Variants in LRRIQ1 observed in about 807,000 individuals in gnomAD.
The protein encoded by LRRIQ1 is leucine-rich repeat- and IQ domain-containing protein 1.
LRRIQ1 carries 210 observed loss-of-function variants against 211.9 expected under a neutral mutation model. The ratio of observed to expected loss-of-function variants is 0.99; its 90% CI spans 0.89 to 1.11. The LOEUF (loss-of-function observed/expected upper bound fraction) is 1.11, where lower values mean the gene tolerates loss of function less well. Ranked by LOEUF, LRRIQ1 falls within the 50% of genes most tolerant of loss-of-function variation. The pLI, the probability that LRRIQ1 is intolerant of heterozygous loss-of-function variation, is 0.00. For synonymous variants in LRRIQ1, 699 were observed against 650.1 expected (o/e 1.08, Z -1.14); for missense variants, 2,136 against 1,939.5 (o/e 1.10, Z -1.90).
intron 24 of LRRIQ1, among the ~76,000 whole-genome samples, chr12:85,211,134 A>G (rs932817305): frequency 6.6e-6 from 1 of 152,188 alleles, no homozygotes; most frequent in African/African-American, 2.4e-5. Flanking sequence ...GCATTCATAA[A>G]ACTATGCCAT....
At chr12:85,143,470 A>G (rs1889678922) in intron 19 of LRRIQ1, among the ~76,000 whole-genome samples, 2 of 151,602 alleles carry the variant, frequency 1.3e-5, no homozygotes, top group Admixed American at 1.3e-4. Context: ...ATGTAACTCC[A>G]TTTGTCTATT....
chr12:85,126,641 C>T (rs1227667453), intron 17 of LRRIQ1, among the ~76,000 whole-genome samples: 5 of 151,958 alleles, frequency 3.3e-5, no homozygotes, highest in African/African-American at 4.8e-5. Context: ...TATCTTAGAC[C>T]ATATATTTTA....
chr12:85,173,377 A>T (rs1430667241), intron 24 of LRRIQ1, among the ~76,000 whole-genome samples: 1 of 152,170 alleles, frequency 6.6e-6, no homozygotes, highest in African/African-American at 2.4e-5. Context: ...TATGTGTCCT[A>T]GTGAGCTCAT....
At chr12:85,219,525 C>T (rs574345743) in intron 24 of LRRIQ1, among the ~76,000 whole-genome samples, 3 of 152,126 alleles carry the variant, frequency 2.0e-5, no homozygotes, top group African/African-American at 7.2e-5. Flanking sequence ...TCCCATACCC[C>T]AAATGGACCA....
At chr12:85,105,786 C>G (rs1293364853) in intron 14 of LRRIQ1, among the ~76,000 whole-genome samples, 1 of 119,722 alleles carries the variant, frequency 8.4e-6, no homozygotes, top group East Asian at 2.5e-4. Context: ...TTTTAGTTTT[C>G]TTTCTTTCTA....
chr12:85,102,953 A>AT (rs1555207709), intron 13 of LRRIQ1, among the ~76,000 whole-genome samples: 13 of 118,786 alleles, frequency 1.1e-4, no homozygotes, highest in African/African-American at 4.2e-4. Flanking sequence ...GCAAAAAAAA[A>AT]AAAAAAATAT....
intron 13 of LRRIQ1, among the ~76,000 whole-genome samples, chr12:85,100,874 A>C (rs1311937956): frequency 6.6e-6 from 1 of 151,776 alleles, no homozygotes; most frequent in Non-Finnish European, 1.5e-5. Context: ...TGACTGTAGA[A>C]ATTATCTATT....
intron 24 of LRRIQ1, among the ~76,000 whole-genome samples, chr12:85,195,425 A>G (rs1465983698): frequency 6.6e-6 from 1 of 151,604 alleles, no homozygotes; most frequent in African/African-American, 2.4e-5. Flanking sequence ...AAAATCCTCA[A>G]TAAAATACTG....
rs114176528 is a variant in LRRIQ1 at position 85,113,270 on chromosome 12, G to A, written c.3377+6655G>A. The stretch of plus-strand genomic sequence containing the variant: ...AGTACATTTCCTTTATTTTTTTAAA[G>A]GACATATATTCATTTACGCAGAGAG... On this transcript the variant is annotated intron_variant, in intron 15 of 26. Coordinates refer to ENST00000393217, the MANE Select transcript of LRRIQ1 (RefSeq NM_001079910.2). Among the ~76,000 whole-genome samples, 153 of 152,196 alleles carry A rather than the reference G, an allele frequency of 1.0e-3. 1 individual carries two copies. The highest frequency in any genetic ancestry group is 3.6e-3 in the African/African-American group (150 of 41,554).
At chr12:85,196,555 T>C (rs1452121996) in intron 24 of LRRIQ1, among the ~76,000 whole-genome samples, 19 of 151,910 alleles carry the variant, frequency 1.3e-4, no homozygotes, top group Non-Finnish European at 2.4e-4. Context: ...TTGACAAACC[T>C]GAGAAAAACA....
At chr12:85,036,645 C>T (rs778842338) in intron 1 of LRRIQ1, among the ~76,000 whole-genome samples, 2 of 152,116 alleles carry the variant, frequency 1.3e-5, no homozygotes, top group African/African-American at 4.8e-5. Context: ...TCGATGGTTA[C>T]TCACTCACCG....
chr12:85,069,149 T>G lies in LRRIQ1; in HGVS notation c.2695+2251T>G, dbSNP rs191071005. ...TGTTCCCCACCCTGTGTCCATGTGT[T>G]CTCATTGTTCAATTCCCACCTGTGA... On this transcript the variant is annotated intron_variant, in intron 10 of 26. Transcript: ENST00000393217. Among the ~76,000 whole-genome samples the G allele has an allele frequency of 2.7e-5, 4 of 146,424 alleles. No homozygotes were observed. The Admixed American group carries it at 2.7e-4, about 10-fold the overall frequency.
chr12:85,205,810 C>A (rs1299839221), intron 24 of LRRIQ1, among the ~76,000 whole-genome samples: 2 of 152,082 alleles, frequency 1.3e-5, no homozygotes, highest in Non-Finnish European at 2.9e-5. Context: ...TTATTGTTTT[C>A]TCTTTATTTT....
intron 24 of LRRIQ1, among the ~76,000 whole-genome samples, chr12:85,171,961 T>C (rs1008752954): frequency 6.6e-6 from 1 of 152,230 alleles, no homozygotes; most frequent in Non-Finnish European, 1.5e-5. Context: ...AGCTGACTAA[T>C]GTAATAATGT....
At chr12:85,169,523 T>G (rs1168259723) in intron 24 of LRRIQ1, among the ~76,000 whole-genome samples, 1 of 152,206 alleles carries the variant, frequency 6.6e-6, no homozygotes, top group Admixed American at 6.5e-5. Context: ...AAGCCCTCTT[T>G]CTGTTCCTCA....
In LRRIQ1 at chr12:85,154,093, A is replaced by T; in HGVS notation, c.4719A>T (p.Ile1573=). The change falls in exon 23 of 27, where the codon ATA becomes ATT. Residue 1573 remains isoleucine, a splice_region_variant and synonymous_variant. Coordinates refer to ENST00000393217, the MANE Select transcript of LRRIQ1 (RefSeq NM_001079910.2). The stretch of plus-strand genomic sequence containing the variant: ...AATCGAAGAAACTAAAGAAAAAAAT[A>T]GGTGAGTAATTAGTGCTCTTTGAAT... The part of the protein sequence containing the change: ...KMKSKKLKKK[I]DSTVRLALFK... 1.3e-6 allele frequency: 2 copies of T among 1,543,706 alleles called. No homozygotes were observed. The highest frequency in any genetic ancestry group is 1.8e-6 in the Non-Finnish European group (2 of 1,137,692).
chr12:85,106,122 G>T (rs1369914260), intron 14 of LRRIQ1, among the ~76,000 whole-genome samples: 1 of 152,000 alleles, frequency 6.6e-6, no homozygotes, highest in Non-Finnish European at 1.5e-5. Context: ...AAGGTAAAAA[G>T]GTCCATGCAA....
At chr12:85,119,198 C>T (rs1466278528) in intron 15 of LRRIQ1, among the ~76,000 whole-genome samples, 1 of 152,042 alleles carries the variant, frequency 6.6e-6, no homozygotes, top group Non-Finnish European at 1.5e-5. Context: ...TGACAACTAG[C>T]GATCTTACTG....
chr12:85,141,800 G>GT (rs1889561280), intron 19 of LRRIQ1, among the ~76,000 whole-genome samples: 1 of 150,652 alleles, frequency 6.6e-6, no homozygotes, highest in Non-Finnish European at 1.5e-5. Flanking sequence ...ATTTTCATTT[G>GT]TTTTCTATTT....
Sources: allele counts gnomAD v4.1 joint callset (sites outside exome capture counted in the v4.1 genomes callset), GRCh38; gene constraint gnomAD v4.1.1; transcripts MANE v1.5; gene names NCBI Gene and HGNC (gene_info 2026-07-23, HGNC 2026-07-21).